Variants in CRAMP1 observed in about 807,000 individuals in gnomAD.
CRAMP1 encodes protein cramped-like.
Under a neutral mutation model 115.4 loss-of-function variants are expected in CRAMP1, and 50 were observed. The observed-to-expected ratio is 0.43, with a 90% CI of 0.35 to 0.55. The LOEUF is 0.55. Ranked by LOEUF, CRAMP1 falls within the 20% of genes least tolerant of loss-of-function variation. CRAMP1 has a pLI of 0.01. For missense variants in CRAMP1, 1,679 were observed against 1,721.7 expected (o/e 0.98, Z 0.44); for synonymous variants, 866 against 745.4 (o/e 1.16, Z -2.64).
chr16:1,666,101 T>G lies in CRAMP1; in HGVS notation c.2781T>G (p.Ser927=). ...TGRGSFRPIQ[S]SLTKAALSRP... ...GAGGTTCGTTCCGGCCCATCCAGTC[T>G]TCTCTGACCAAAGCAGCTCTGTCTC... Residue 927 remains serine, a synonymous_variant, in exon 15 of 21, where the codon TCT becomes TCG. Transcript: ENST00000397412. This position sits in a 1 kb window ranked among gnomAD's most constrained non-coding sequence, Gnocchi z 5.0. 1 of 1,612,552 alleles carries G rather than the reference T, an allele frequency of 6.2e-7. No homozygotes were observed. The highest frequency in any genetic ancestry group is 8.5e-7 in the Non-Finnish European group (1 of 1,179,400).
intron 2 of CRAMP1, among the ~76,000 whole-genome samples, chr16:1,616,715 C>T (rs574830033): frequency 3.9e-5 from 6 of 152,132 alleles, no homozygotes; most frequent in African/African-American, 9.6e-5. Flanking sequence ...CTTGGAGAAG[C>T]GTGGGACTTT....
In CRAMP1 at chr16:1,614,765, C is replaced by T; in HGVS notation, c.126C>T (p.Ser42=). ...GCGGCGCAGACGCGGCCGAGGAGAGCAGCGGCACAAAGAGGGACGAGAAGA... is the reference window on the plus strand; with the variant it reads ...GCGGCGCAGACGCGGCCGAGGAGAGTAGCGGCACAAAGAGGGACGAGAAGA... ...GAGGADAAEE[S]SGTKRDEKTP... is the part of the protein sequence containing the mutation. The change falls in exon 2 of 21, where the codon AGC becomes AGT. Residue 42 remains serine (S), a synonymous_variant. Transcript: ENST00000397412. This position sits in a 1 kb window ranked among gnomAD's most constrained non-coding sequence, Gnocchi z 4.4. The T allele has an allele frequency of 2.9e-6, 4 of 1,365,240 alleles. No individual in the cohort carries two copies. Among genetic ancestry groups the T allele is most frequent in the South Asian group, 3.8e-5 (2 of 53,224 alleles). The allele number at this position is 1,365,240 out of a possible 1,614,324, so 84.6% of individuals were successfully genotyped here.
In CRAMP1 at chr16:1,666,655, C is replaced by G; in HGVS notation, c.3036+55C>G. 6.6e-7 allele frequency: 1 copy of G among 1,523,058 alleles called. No individual in the cohort carries two copies. The highest frequency in any genetic ancestry group is 9.1e-7 in the Non-Finnish European group (1 of 1,101,610). The allele number at this position is 1,523,058 out of a possible 1,614,324, so 94.3% of individuals were successfully genotyped here. A position where few individuals can be genotyped will look rare whatever the true frequency, so the allele number is the denominator to read the frequency against. ...TTACCACCAACTTCTGGTGTGGACG[C>G]CAAAGCCATGGGGCTGAGATCACGC... is the stretch of plus-strand genomic sequence containing the variant. On this transcript the variant is annotated intron_variant, in intron 16 of 20. Coordinates refer to ENST00000397412, the MANE Select transcript of CRAMP1 (RefSeq NM_020825.4). This position sits in a 1 kb window ranked among gnomAD's most constrained non-coding sequence, Gnocchi z 5.0.
In CRAMP1 at chr16:1,662,829, G is replaced by T; in HGVS notation, c.2664G>T (p.Val888=). The change falls in exon 13 of 21, where the codon GTG becomes GTT. Residue 888 remains valine (V), a synonymous_variant. Transcript: ENST00000397412. ...LRNRHLRKPL[V]VQRTLLPRPS... ...ACCGGCACCTGCGGAAGCCACTGGT[G>T]GTCCAGGTCAGGGTCTTCTCAAGTC... The T allele has an allele frequency of 6.2e-7, 1 of 1,613,610 alleles. No homozygotes were observed. Among genetic ancestry groups the T allele is most frequent in the Non-Finnish European group, 8.5e-7 (1 of 1,179,750 alleles).
intron 8 of CRAMP1, among the ~76,000 whole-genome samples, chr16:1,653,582 C>G (rs1028829862): frequency 6.6e-6 from 1 of 152,174 alleles, no homozygotes. Context: ...ATAATCCCAG[C>G]GCTTTGGGAG....
intron 3 of CRAMP1, among the ~76,000 whole-genome samples, chr16:1,630,633 T>C (rs1161416515): frequency 6.6e-6 from 1 of 152,166 alleles, no homozygotes; most frequent in African/African-American, 2.4e-5. Flanking sequence ...CCCACTCAGG[T>C]CCATCCTGGC....
At chr16:1,633,410 C>T (rs774733706) in intron 4 of CRAMP1, among the ~76,000 whole-genome samples, 9 of 152,274 alleles carry the variant, frequency 5.9e-5, no homozygotes, top group Admixed American at 1.3e-4. Context: ...TCCATGGAAA[C>T]GGCTGTTGGT....
chr16:1,667,285 G>T, intron 16 of CRAMP1, 50 bp from the exon 17 acceptor site: 1 of 1,487,086 alleles, frequency 6.7e-7, no homozygotes, highest in East Asian at 2.3e-5. Flanking sequence ...GAGGGTATGG[G>T]TGGCATCTGG....
rs747254111 is a variant in CRAMP1 at position 1,666,213 on chromosome 16, G to T, written c.2857+36G>T. On this transcript the variant is annotated intron_variant, in intron 15 of 20. Coordinates refer to ENST00000397412, the MANE Select transcript of CRAMP1 (RefSeq NM_020825.4). This position sits in a 1 kb window ranked among gnomAD's most constrained non-coding sequence, Gnocchi z 5.0. ...ACCTGCATGGCCACAGCCACTGAGT[G>T]AGCCTCTGAGGGATGTTTTTGTGAC... The T allele has an allele frequency of 7.6e-5, 108 of 1,429,084 alleles. No homozygotes were observed. The highest frequency in any genetic ancestry group is 1.0e-4 in the Non-Finnish European group (105 of 1,025,462). The allele number at this position is 1,429,084 out of a possible 1,614,324, so 88.5% of individuals were successfully genotyped here. A position where few individuals can be genotyped will look rare whatever the true frequency, so the allele number is the denominator to read the frequency against.
intron 2 of CRAMP1, 73 bp from the exon 3 acceptor site, chr16:1,625,900 C>G (rs148435606): frequency 2.1e-6 from 3 of 1,445,832 alleles, no homozygotes; most frequent in Non-Finnish European, 2.8e-6. Context: ...GCCCTTCCCT[C>G]CCACCGGCCC....
At position 1,614,357 on chromosome 16, in the gene CRAMP1, G is replaced by T. The variant is rs1328567713; in HGVS notation, c.-1-282G>T. Among the ~76,000 whole-genome samples the T allele has an allele frequency of 6.9e-6, 1 of 145,272 alleles. No individual in the cohort carries two copies. The highest frequency in any genetic ancestry group is 1.5e-5 in the Non-Finnish European group (1 of 65,348). Reference sequence around the variant, plus strand: ...GGGGCCGGGCAGGGTCCGCCGAGCTGTCGCGCCCTCCCGCCGCCGGCCCGG... The same window carrying T: ...GGGGCCGGGCAGGGTCCGCCGAGCTTTCGCGCCCTCCCGCCGCCGGCCCGG... On this transcript the variant is annotated intron_variant, in intron 1 of 20. Transcript: ENST00000397412. This position sits in a 1 kb window ranked among gnomAD's most constrained non-coding sequence, Gnocchi z 4.4.
chr16:1,668,931 G>A, intron 18 of CRAMP1, 70 bp from the exon 19 acceptor site: 7 of 1,458,954 alleles, frequency 4.8e-6, no homozygotes, highest in Non-Finnish European at 6.7e-6. Context: ...CTCCGTGGTG[G>A]GCTGGAGAAG....
rs2036910495 is a variant in CRAMP1 at position 1,670,251 on chromosome 16, G to A, written c.3500-413G>A. On this transcript the variant is annotated intron_variant, in intron 19 of 20. Coordinates refer to ENST00000397412, the MANE Select transcript of CRAMP1 (RefSeq NM_020825.4). ...TGCACTGCAGCCTGGGCAAGAGCGA[G>A]ACCCTGCCTTTAAAAAAAATTAAAA... is the stretch of plus-strand genomic sequence containing the variant. Among the ~76,000 whole-genome samples the A allele has an allele frequency of 3.3e-5, 5 of 150,860 alleles. No homozygotes were observed. In the Admixed American group the frequency reaches 3.3e-4, roughly 10 times the overall value.
Position 1,641,172 on chromosome 16 carries a change from A to C in CRAMP1, c.812A>C (p.Glu271Ala). 1 of 1,611,948 alleles carries C rather than the reference A, an allele frequency of 6.2e-7. No homozygotes were observed. Among genetic ancestry groups the C allele is most frequent in the Non-Finnish European group, 8.5e-7 (1 of 1,178,036 alleles). The change falls in exon 6 of 21, where the codon GAA (glutamate) becomes GCA (alanine). Residue 271 changes from glutamate to alanine, a missense_variant. Physicochemically the swap from Glu to Ala is moderately radical, Grantham distance 107. Coordinates refer to ENST00000397412, the MANE Select transcript of CRAMP1 (RefSeq NM_020825.4). ...MDDKNATKLN[E>A]LIQVGATTVR... ...GACAAGAATGCAACAAAGCTGAATGAACTCATTCAGGTTGGGTAAGTCCCA... is the reference window on the plus strand; with the variant it reads ...GACAAGAATGCAACAAAGCTGAATGCACTCATTCAGGTTGGGTAAGTCCCA...
Position 1,656,104 on chromosome 16 carries a change from C to A in CRAMP1, c.1347C>A (p.Gly449=). The A allele has an allele frequency of 1.2e-6, 2 of 1,609,810 alleles. No homozygotes were observed. The highest frequency in any genetic ancestry group is 1.7e-6 in the Non-Finnish European group (2 of 1,178,818). Residue 449 remains glycine, a synonymous_variant, in exon 10 of 21, where the codon GGC becomes GGA. Transcript: ENST00000397412. The surrounding 1 kb of genome is among the most constrained non-coding windows in gnomAD (Gnocchi z 5.6). ...AHVLPPAQIL[G]IQSGQGTARG... The stretch of plus-strand genomic sequence containing the variant: ...TGCTGCCCCCAGCCCAGATCCTGGG[C>A]ATCCAGAGTGGGCAGGGCACGGCCC...
rs138324451 is a variant in CRAMP1 at position 1,673,167 on chromosome 16, G to C, written c.3646-714G>C. On this transcript the variant is annotated intron_variant, in intron 20 of 20. Transcript: ENST00000397412. ...CCAGCTGTCCTCATGTCTATGACGG[G>C]AACGTGTCCCCCACCTGTCCTCATG... Among the ~76,000 whole-genome samples the C allele has an allele frequency of 2.4e-3, 358 of 151,590 alleles. 4 individuals are homozygous for C. Among genetic ancestry groups the C allele is most frequent in the African/African-American group, 8.2e-3 (337 of 41,270 alleles).
rs563663163 is a variant in CRAMP1, at chr16:1,658,989, C to G, written c.2236-897C>G. Among the ~76,000 whole-genome samples, 311 of 152,210 alleles carry G rather than the reference C, an allele frequency of 2.0e-3. 1 individual carries two copies. Among genetic ancestry groups the G allele is most frequent in the Non-Finnish European group, 3.5e-3 (237 of 67,994 alleles). On this transcript the variant is annotated intron_variant, in intron 10 of 20. Coordinates refer to ENST00000397412, the MANE Select transcript of CRAMP1 (RefSeq NM_020825.4). ...TCTGTGGTGAGCCAGACAGGGACCC[C>G]AGGACTCGGCAGCAGGCTCTGCAGG... is the stretch of plus-strand genomic sequence containing the variant.
intron 19 of CRAMP1, 108 bp from the exon 20 acceptor site, chr16:1,670,556 G>C: frequency 8.2e-7 from 1 of 1,221,148 alleles, no homozygotes; most frequent in Non-Finnish European, 1.2e-6. Flanking sequence ...TGGGGCCGGG[G>C]CCGGGGCTAG....
In CRAMP1 at chr16:1,670,791, C is replaced by T. The variant is rs1291512785; in HGVS notation, c.3627C>T (p.Ser1209=). Residue 1209 remains serine (S), a synonymous_variant, in exon 20 of 21, where the codon TCC becomes TCT. Transcript: ENST00000397412. ...CGCGGGACTCATTTGTGTCCAGGTCCCTGGCTGACGTTGCAGAGGTGAGTG... is the reference window on the plus strand; with the variant it reads ...CGCGGGACTCATTTGTGTCCAGGTCTCTGGCTGACGTTGCAGAGGTGAGTG... ...GNSRDSFVSR[S]LADVAEVVDS... is the part of the protein sequence containing the mutation. 1 of 1,613,978 alleles carries T rather than the reference C, an allele frequency of 6.2e-7. No individual in the cohort carries two copies. Among genetic ancestry groups the T allele is most frequent in the South Asian group, 1.1e-5 (1 of 91,084 alleles).
Sources: allele counts gnomAD v4.1 joint callset (sites outside exome capture counted in the v4.1 genomes callset), GRCh38; gene constraint gnomAD v4.1.1; non-coding constraint Gnocchi (gnomAD v3.1); transcripts MANE v1.5; gene names NCBI Gene and HGNC (gene_info 2026-07-23, HGNC 2026-07-21).